Variants in SRGAP2C observed in about 807,000 individuals in gnomAD.
The protein encoded by SRGAP2C is SLIT-ROBO Rho GTPase activating protein 2C.
In SRGAP2C, 15 loss-of-function variants were observed where a neutral mutation model predicts 25.1. The observed-to-expected ratio is 0.60, with a 90% CI of 0.40 to 0.92. The LOEUF (loss-of-function observed/expected upper bound fraction) is 0.92. Ranked by LOEUF, SRGAP2C falls within the 40% of genes least tolerant of loss-of-function variation. The pLI is 0.00. For synonymous variants in SRGAP2C, 44 were observed against 96.6 expected, an observed-to-expected ratio of 0.46 and a Z score of 3.19; for missense variants, 144 against 264.4, an observed-to-expected ratio of 0.54 and a Z score of 3.16.
chr1:121,224,124 A>G (rs1341220602), intron 2 of SRGAP2C, among the ~76,000 whole-genome samples: 1 of 150,008 alleles, frequency 6.7e-6, no homozygotes, highest in Non-Finnish European at 1.5e-5. Flanking sequence ...AGCGTGCATC[A>G]TCTCACTGGT....
chr1:121,315,219 C>T (rs1658070035), intron 3 of SRGAP2C, among the ~76,000 whole-genome samples: 3 of 151,374 alleles, frequency 2.0e-5, no homozygotes, highest in South Asian at 4.2e-4. Flanking sequence ...TCATTGTGCA[C>T]TATGGCCTGA....
chr1:121,216,926 TG>T (rs1655400822), intron 2 of SRGAP2C, among the ~76,000 whole-genome samples: 2 of 144,542 alleles, frequency 1.4e-5, no homozygotes. Context: ...GCCAGCCTCC[TG>T]GAAGGGCTGT....
rs1237866006 is a variant in SRGAP2C at position 121,276,007 on chromosome 1, CA to C, written c.68-8794del. 1.1e-4 allele frequency among the ~76,000 whole-genome samples: 10 copies of C among 89,282 alleles called. 2 individuals carry two copies. Among genetic ancestry groups the C allele is most frequent in the African/African-American group, 5.0e-4 (10 of 20,012 alleles). 58.6% of individuals were successfully genotyped at this position (89,282 alleles called of 152,430 possible). On this transcript the variant is annotated intron_variant, in intron 2 of 9. Transcript: ENST00000367123. ...GCCCCCACTACCCCCTTCCTCCCAC[CA>C]AGATTACTGTCTTACCTTTGAACCC...
At chr1:121,198,826 C>T (rs1319900381) in intron 2 of SRGAP2C, among the ~76,000 whole-genome samples, 13 of 149,708 alleles carry the variant, frequency 8.7e-5, no homozygotes, top group South Asian at 6.3e-4. Context: ...CTTTGTTACG[C>T]GTTGAGCTAC....
intron 2 of SRGAP2C, among the ~76,000 whole-genome samples, chr1:121,216,099 G>T (rs1164239473): frequency 2.6e-5 from 4 of 152,156 alleles, no homozygotes; most frequent in African/African-American, 9.7e-5. Context: ...TACCAGCAAA[G>T]CTGGGTACCT....
At position 121,374,743 on chromosome 1, in the gene SRGAP2C, T is replaced by C. The variant is rs1274364539; in HGVS notation, c.703-83T>C. ...GGAGTAGCAACACAATTGTAGTTCT[T>C]GAATACACTGTACTTTTATCTTTTA... On this transcript the variant is annotated intron_variant, in intron 6 of 9. Coordinates refer to ENST00000367123, the MANE Select transcript of SRGAP2C (RefSeq NM_001329984.2). 6 of 696,162 alleles carry C rather than the reference T, an allele frequency of 8.6e-6. No homozygotes were observed. The African/African-American group carries it at 8.9e-5, about 10-fold the overall frequency. The allele number at this position is 696,162 out of a possible 1,614,324, so 43.1% of individuals were successfully genotyped here.
At chr1:121,308,907 C>G (rs1283653073) in intron 3 of SRGAP2C, among the ~76,000 whole-genome samples, 1 of 124,872 alleles carries the variant, frequency 8.0e-6, no homozygotes, top group Non-Finnish European at 1.7e-5. Flanking sequence ...CCATTGCACT[C>G]TAGCCTGGAC....
At position 121,228,165 on chromosome 1, in the gene SRGAP2C, C is replaced by T. The variant is rs1553326877; in HGVS notation, c.67+40652C>T. Among the ~76,000 whole-genome samples the T allele has an allele frequency of 2.6e-5, 2 of 76,488 alleles. 1 individual carries two copies. Among genetic ancestry groups the T allele is most frequent in the African/African-American group, 1.4e-4 (2 of 14,370 alleles). 50.2% of individuals were successfully genotyped at this position (76,488 alleles called of 152,430 possible). A position where few individuals can be genotyped will look rare whatever the true frequency, so the allele number is the denominator to read the frequency against. On this transcript the variant is annotated intron_variant, in intron 2 of 9. Transcript: ENST00000367123. ...CTGAACTGAAGCCATGTGGGCCTGGCTAATGGATTTCTTTGGGAAGCTGGG... is the reference window on the plus strand; with the variant it reads ...CTGAACTGAAGCCATGTGGGCCTGGTTAATGGATTTCTTTGGGAAGCTGGG...
chr1:121,345,530 A>T (rs1553343607), intron 4 of SRGAP2C, among the ~76,000 whole-genome samples: 2 of 151,574 alleles, frequency 1.3e-5, no homozygotes, highest in African/African-American at 2.4e-5. Flanking sequence ...GTTTGGAATC[A>T]ATAAGCAGGG....
chr1:121,282,675 C>T (rs1357950980), intron 2 of SRGAP2C, among the ~76,000 whole-genome samples: 2 of 151,850 alleles, frequency 1.3e-5, no homozygotes, highest in South Asian at 2.1e-4. Flanking sequence ...CCACCTCAGC[C>T]TCCCCAGTAG....
intron 2 of SRGAP2C, among the ~76,000 whole-genome samples, chr1:121,280,122 C>A (rs2101562381): frequency 6.7e-6 from 1 of 148,466 alleles, no homozygotes; most frequent in South Asian, 2.2e-4. Context: ...TCATCACTAT[C>A]TTAATTTCAA....
rs373072166 is a variant in SRGAP2C at position 121,195,295 on chromosome 1, A to G, written c.67+7782A>G. Reference sequence around the variant, plus strand: ...CGTGGTGGTGGGTGCCTGTAATCCCAGCTACTCAGGAGGCTGAGGGAGGAG... The same window carrying G: ...CGTGGTGGTGGGTGCCTGTAATCCCGGCTACTCAGGAGGCTGAGGGAGGAG... On this transcript the variant is annotated intron_variant, in intron 2 of 9. Transcript: ENST00000367123. Among the ~76,000 whole-genome samples, 154 of 152,076 alleles carry G rather than the reference A, an allele frequency of 1.0e-3. 2 individuals carry two copies. In the East Asian group the frequency reaches 0.028, roughly 27 times the overall value.
chr1:121,223,176 A>T (rs1655575470), intron 2 of SRGAP2C, among the ~76,000 whole-genome samples: 1 of 148,232 alleles, frequency 6.7e-6, no homozygotes, highest in Non-Finnish European at 1.5e-5. Flanking sequence ...TGGTTATTTG[A>T]TGGGAGGGAA....
chr1:121,291,053 C>G (rs1418231107), intron 3 of SRGAP2C, among the ~76,000 whole-genome samples: 2 of 125,836 alleles, frequency 1.6e-5, no homozygotes, highest in African/African-American at 6.1e-5. Flanking sequence ...GAGAGAGACA[C>G]GAGGAAAACA....
intron 5 of SRGAP2C, among the ~76,000 whole-genome samples, chr1:121,368,583 C>A (rs1331487975): frequency 6.6e-6 from 1 of 151,918 alleles, no homozygotes; most frequent in South Asian, 2.1e-4. Context: ...TGGAAAAGTT[C>A]GAGGTTAAAA....
intron 2 of SRGAP2C, among the ~76,000 whole-genome samples, chr1:121,259,962 C>CT (rs1249325558): frequency 7.1e-6 from 1 of 141,192 alleles, no homozygotes; most frequent in East Asian, 2.0e-4. Context: ...TCAAGGGATC[C>CT]TTCTGCCTCA....
chr1:121,221,782 T>C (rs1490490762), intron 2 of SRGAP2C, among the ~76,000 whole-genome samples: 2 of 136,844 alleles, frequency 1.5e-5, no homozygotes, highest in Non-Finnish European at 3.1e-5. Flanking sequence ...CTGTGTAGAG[T>C]TGGCCAACTC....
intron 4 of SRGAP2C, among the ~76,000 whole-genome samples, chr1:121,359,608 A>C (rs2101643506): frequency 6.6e-6 from 1 of 152,288 alleles, no homozygotes; most frequent in East Asian, 1.9e-4. Flanking sequence ...ATCTCTACAA[A>C]AATTACAAAA....
intron 4 of SRGAP2C, among the ~76,000 whole-genome samples, chr1:121,357,102 T>C (rs2772067): frequency 0.54 from 52,288 of 96,378 alleles, 14,997 homozygotes; most frequent in East Asian, 0.71. Flanking sequence ...GCTGAGTCCA[T>C]GAAGTTCACA....
Sources: allele counts gnomAD v4.1 joint callset (sites outside exome capture counted in the v4.1 genomes callset), GRCh38; gene constraint gnomAD v4.1.1; transcripts MANE v1.5; gene names NCBI Gene and HGNC (gene_info 2026-07-23, HGNC 2026-07-21).